The following BRSK2 variants were observed in gnomAD, a reference collection of about 807,000 sequenced individuals.
The protein encoded by BRSK2 is BR serine/threonine kinase 2, also known as serine/threonine-protein kinase BRSK2.
BRSK2 carries 19 observed loss-of-function variants against 83.3 expected under a neutral mutation model. The ratio of observed to expected loss-of-function variants is 0.23; its 90% CI spans 0.16 to 0.33. The LOEUF is 0.33. BRSK2 is among the 10% of genes least tolerant of loss of function. The pLI is 1.00. For synonymous variants in BRSK2, 519 were observed against 435.4 expected, an observed-to-expected ratio of 1.19 and a Z score of -2.39; for missense variants, 798 against 1,042.3, an observed-to-expected ratio of 0.77 and a Z score of 3.23.
At chr11:1,417,598 G>T (rs942803140) in intron 1 of BRSK2, among the ~76,000 whole-genome samples, 1 of 138,818 alleles carries the variant, frequency 7.2e-6, no homozygotes, top group Admixed American at 7.2e-5. Flanking sequence ...TCTGTTGGCT[G>T]TTTCTTCTCT....
At chr11:1,450,498 C>T in intron 13 of BRSK2, 89 bp from the exon 14 acceptor site, 1 of 649,468 alleles carries the variant, frequency 1.5e-6, no homozygotes, top group Non-Finnish European at 2.6e-6. Flanking sequence ...CAGCTGGCAC[C>T]ACCCCTGGGC....
At position 1,444,960 on chromosome 11, in the gene BRSK2, T is replaced by C. The variant is rs1851820307; in HGVS notation, c.781-11T>C. ...CGTCCGTACTAACTCCCTGTTTCTC[T>C]TTCCTTGTAGCTAGAGCACATTCAG... On this transcript the variant is annotated splice_polypyrimidine_tract_variant and intron_variant, in intron 8 of 19. Coordinates refer to ENST00000528841, the MANE Select transcript of BRSK2 (RefSeq NM_001256627.2). 6.2e-7 allele frequency: 1 copy of C among 1,612,432 alleles called. No individual in the cohort carries two copies. Among genetic ancestry groups the C allele is most frequent in the East Asian group, 2.2e-5 (1 of 44,872 alleles).
Position 1,449,771 on chromosome 11 carries a change from T to A in BRSK2, c.1227-5T>A. 6.2e-7 allele frequency: 1 copy of A among 1,611,650 alleles called. No individual in the cohort carries two copies. Among genetic ancestry groups the A allele is most frequent in the Non-Finnish European group, 8.5e-7 (1 of 1,179,270 alleles). On this transcript the variant is annotated splice_region_variant and splice_polypyrimidine_tract_variant and intron_variant, in intron 12 of 19. Transcript: ENST00000528841. Reference sequence around the variant, plus strand: ...AGCAGTGGCCCTGTACCTTGTGACCTCCAGGTCTCGGTCCATCAGCGGTGC... The same window carrying A: ...AGCAGTGGCCCTGTACCTTGTGACCACCAGGTCTCGGTCCATCAGCGGTGC...
At chr11:1,449,739 C>T in intron 12 of BRSK2, 37 bp from the exon 13 acceptor site, 1 of 1,587,524 alleles carries the variant, frequency 6.3e-7, no homozygotes. Flanking sequence ...CCACTGCCCC[C>T]TGGCTGAGCA....
intron 1 of BRSK2, among the ~76,000 whole-genome samples, chr11:1,421,622 G>A (rs904037293): frequency 6.6e-6 from 1 of 152,222 alleles, no homozygotes; most frequent in African/African-American, 2.4e-5. Context: ...GGGCGGTGGA[G>A]GCTGTGGGAT....
At chr11:1,410,172 G>A (rs1230197840) in intron 1 of BRSK2, among the ~76,000 whole-genome samples, 4 of 74,302 alleles carry the variant, frequency 5.4e-5, no homozygotes, top group Non-Finnish European at 7.6e-5. Flanking sequence ...GTTTGGGGGG[G>A]TTTGTGACGT....
At chr11:1,398,183 G>T (rs547825270) in intron 1 of BRSK2, among the ~76,000 whole-genome samples, 1 of 152,320 alleles carries the variant, frequency 6.6e-6, no homozygotes, top group Non-Finnish European at 1.5e-5. Context: ...AAGGGGTCAG[G>T]ATAGGGGCTG....
intron 3 of BRSK2, among the ~76,000 whole-genome samples, chr11:1,439,181 TG>T (rs951392771): frequency 3.3e-5 from 5 of 152,150 alleles, no homozygotes; most frequent in Admixed American, 3.3e-4. Flanking sequence ...AGGGCTGGGC[TG>T]GGGGCTGCCC....
chr11:1,427,793 T>TC (rs1373896166), intron 1 of BRSK2, among the ~76,000 whole-genome samples: 2 of 152,068 alleles, frequency 1.3e-5, no homozygotes, highest in Non-Finnish European at 2.9e-5. Context: ...GCCCTGGGCT[T>TC]CCCCGCTCCA....
chr11:1,398,973 C>T (rs1253312741), intron 1 of BRSK2, among the ~76,000 whole-genome samples: 1 of 152,226 alleles, frequency 6.6e-6, no homozygotes, highest in Non-Finnish European at 1.5e-5. Context: ...CCTGCGCCGT[C>T]CTGGGTCTTT....
At chr11:1,412,059 G>A (rs1407517986) in intron 1 of BRSK2, among the ~76,000 whole-genome samples, 6 of 8,960 alleles carry the variant, frequency 6.7e-4, no homozygotes, top group South Asian at 2.2e-3. Context: ...CAGCTGCGCC[G>A]CCCCGTCCTG....
At chr11:1,406,290 C>T (rs1422495272) in intron 1 of BRSK2, among the ~76,000 whole-genome samples, 1 of 152,194 alleles carries the variant, frequency 6.6e-6, no homozygotes, top group African/African-American at 2.4e-5. Flanking sequence ...GGTGAAACCC[C>T]ATCTCTACTA....
At chr11:1,449,940 G>A in intron 13 of BRSK2, 104 bp downstream of exon 13, 1 of 753,620 alleles carries the variant, frequency 1.3e-6, no homozygotes, top group Non-Finnish European at 2.2e-6. Context: ...CTGGGAAGCA[G>A]CCCCAGGCGC....
intron 1 of BRSK2, among the ~76,000 whole-genome samples, chr11:1,398,083 T>C (rs1846233082): frequency 6.6e-6 from 1 of 151,638 alleles, no homozygotes; most frequent in Non-Finnish European, 1.5e-5. Flanking sequence ...GTGGGTGGTT[T>C]GCGGGGGCAC....
In BRSK2 at chr11:1,390,294, A is replaced by G; in HGVS notation, c.10A>G (p.Thr4Ala). The change falls in exon 1 of 20, where the codon ACG (threonine) becomes GCG (alanine). Residue 4 changes from threonine to alanine, a missense_variant. Physicochemically the swap from Thr to Ala is moderately conservative, Grantham distance 58 (BLOSUM62 0). Around this residue, in one of 6 missense-constraint regions of BRSK2, gnomAD observed 33 missense variants for 30.8 expected, o/e 1.07. Transcript: ENST00000528841. This position sits in a 1 kb window ranked among gnomAD's most constrained non-coding sequence, Gnocchi z 6.8. ...GCCGGGCCCCAGAGCGATGACATCG[A>G]CGGGGAAGGACGGCGGCGCGCAGCA... The part of the protein sequence containing the change: MTS[T>A]GKDGGAQHAQ... The G allele has an allele frequency of 9.7e-7, 1 of 1,031,398 alleles. No homozygotes were observed. 63.9% of individuals were successfully genotyped at this position (1,031,398 alleles called of 1,614,324 possible). A position where few individuals can be genotyped will look rare whatever the true frequency, so the allele number is the denominator to read the frequency against.
rs1440651138 is a variant in BRSK2 at position 1,443,728 on chromosome 11, G to A, written c.780+93G>A. The A allele has an allele frequency of 1.9e-5, 27 of 1,397,320 alleles. No individual in the cohort carries two copies. In the East Asian group the frequency reaches 2.6e-4, roughly 14 times the overall value. The allele number at this position is 1,397,320 out of a possible 1,614,324, so 86.6% of individuals were successfully genotyped here. On this transcript the variant is annotated intron_variant, in intron 8 of 19. Transcript: ENST00000528841. ...TGTGTGCACAGGTGTGTGCCCAGAC[G>A]TGTGGGCACCCAGGTGTGTGGGTCG... is the stretch of plus-strand genomic sequence containing the variant.
Position 1,460,737 on chromosome 11 carries a change from C to CT in BRSK2, c.*14_*15insT. ...GAGCAGCCTTAGACACACTAGCCCC[C>CT]CCCCCCAGCACAGCACTGACAGCGG... On this transcript the variant is annotated 3_prime_UTR_variant, in exon 20 of 20. Transcript: ENST00000528841. 2 of 1,412,096 alleles carry CT rather than the reference C, an allele frequency of 1.4e-6. No individual in the cohort carries two copies. 87.5% of individuals were successfully genotyped at this position (1,412,096 alleles called of 1,614,324 possible). A position where few individuals can be genotyped will look rare whatever the true frequency, so the allele number is the denominator to read the frequency against.
intron 8 of BRSK2, 127 bp downstream of exon 8, chr11:1,443,762 G>C: frequency 8.3e-7 from 1 of 1,211,486 alleles, no homozygotes; most frequent in East Asian, 2.7e-5. Flanking sequence ...CGGTGCCCAG[G>C]TGTGTGGACG....
chr11:1,391,295 C>T (rs1163957505), intron 1 of BRSK2, among the ~76,000 whole-genome samples: 1 of 152,142 alleles, frequency 6.6e-6, no homozygotes, highest in Non-Finnish European at 1.5e-5. Flanking sequence ...TCCCCGAGGT[C>T]CCACGGCACT....
Sources: gnomAD v4.1 joint callset for allele counts (sites outside exome capture counted in the v4.1 genomes callset) on GRCh38, gnomAD v4.1.1 for gene constraint, gnomAD v4.1.1 regional missense constraint, Gnocchi (gnomAD v3.1) non-coding constraint, MANE v1.5 for transcripts, NCBI Gene and HGNC (gene_info 2026-07-23, HGNC 2026-07-21) for gene names.